FGF12: variants seen among roughly 807,000 people sequenced by gnomAD.
The protein encoded by FGF12 is fibroblast growth factor 12B.
FGF12 carries 14 observed loss-of-function variants against 23.6 expected under a neutral mutation model. The observed-to-expected ratio is 0.59, with a 90% CI of 0.39 to 0.93. The LOEUF (loss-of-function observed/expected upper bound fraction) is 0.93. FGF12 is among the 40% of genes least tolerant of loss of function. FGF12 has a pLI of 0.00. For missense variants in FGF12, 175 were observed against 217.8 expected, an observed-to-expected ratio of 0.80 and a Z score of 1.24; for synonymous variants, 62 against 77.3, an observed-to-expected ratio of 0.80 and a Z score of 1.04.
At chr3:192,416,592 A>G (rs1721360533) in intron 2 of FGF12, among the ~76,000 whole-genome samples, 1 of 152,186 alleles carries the variant, frequency 6.6e-6, no homozygotes, top group African/African-American at 2.4e-5. Flanking sequence ...TCCCTAAATT[A>G]GCATTGTTAG....
intron 2 of FGF12, among the ~76,000 whole-genome samples, chr3:192,562,420 T>G (rs973066419): frequency 3.9e-5 from 6 of 152,184 alleles, no homozygotes; most frequent in African/African-American, 1.4e-4. Flanking sequence ...AAAGAATGCA[T>G]GTATTTTTAC....
intron 2 of FGF12, among the ~76,000 whole-genome samples, chr3:192,372,878 T>G (rs2108745103): frequency 6.6e-6 from 1 of 152,344 alleles, no homozygotes; most frequent in Middle Eastern, 3.4e-3. Context: ...CATCATCATC[T>G]TAATTGACTC....
chr3:192,452,700 G>C (rs1722563914), intron 2 of FGF12, among the ~76,000 whole-genome samples: 1 of 152,182 alleles, frequency 6.6e-6, no homozygotes, highest in East Asian at 1.9e-4. Flanking sequence ...AGCCTATGTG[G>C]CTCCACTCAG....
At chr3:192,295,213 A>G (rs1349555368) in intron 4 of FGF12, among the ~76,000 whole-genome samples, 1 of 152,180 alleles carries the variant, frequency 6.6e-6, no homozygotes, top group African/African-American at 2.4e-5. Context: ...AATACATTGT[A>G]CTTTTTGGTG....
At chr3:192,145,580 A>AGTTTTATCATCTG (rs1165759804) in intron 5 of FGF12, among the ~76,000 whole-genome samples, 1 of 152,094 alleles carries the variant, frequency 6.6e-6, no homozygotes, top group Non-Finnish European at 1.5e-5. Flanking sequence ...TAAAACCCAG[A>AGTTTTATCATCTG]CTACACTCTG....
intron 2 of FGF12, among the ~76,000 whole-genome samples, chr3:192,658,993 C>T (rs961393039): frequency 1.3e-5 from 2 of 152,140 alleles, no homozygotes; most frequent in African/African-American, 2.4e-5. Context: ...CCGGCCAGGA[C>T]GCCAAGCTGC....
intron 2 of FGF12, among the ~76,000 whole-genome samples, chr3:192,512,992 A>C (rs911621174): frequency 1.3e-5 from 2 of 151,366 alleles, no homozygotes; most frequent in Non-Finnish European, 3.0e-5. Flanking sequence ...GTCCAATCAC[A>C]TAAGTTAACC....
chr3:192,320,059 T>A (rs1716452876), intron 4 of FGF12, among the ~76,000 whole-genome samples: 1 of 152,172 alleles, frequency 6.6e-6, no homozygotes, highest in African/African-American at 2.4e-5. Context: ...GTAGAGTGCC[T>A]GCATAGATTT....
intron 2 of FGF12, among the ~76,000 whole-genome samples, chr3:192,400,863 T>C (rs1277904002): frequency 1.3e-5 from 2 of 152,208 alleles, no homozygotes; most frequent in Non-Finnish European, 2.9e-5. Flanking sequence ...TCATTCTACC[T>C]TTACCCACTC....
intron 2 of FGF12, among the ~76,000 whole-genome samples, chr3:192,595,202 A>G (rs1184591598): frequency 6.6e-6 from 1 of 152,196 alleles, no homozygotes; most frequent in Non-Finnish European, 1.5e-5. Context: ...CTAAATTCTT[A>G]TTATGAGTTA....
At chr3:192,308,221 T>C (rs1715752556) in intron 4 of FGF12, among the ~76,000 whole-genome samples, 2 of 151,984 alleles carry the variant, frequency 1.3e-5, no homozygotes, top group Admixed American at 1.3e-4. Context: ...AACAAGTAAA[T>C]GTGGAAATAA....
chr3:192,221,872 C>G (rs919297540), intron 4 of FGF12, among the ~76,000 whole-genome samples: 1 of 151,888 alleles, frequency 6.6e-6, no homozygotes, highest in African/African-American at 2.4e-5. Flanking sequence ...TAAATACCAC[C>G]AAGGTTATAT....
At chr3:192,240,715 G>A (rs1481081099) in intron 4 of FGF12, among the ~76,000 whole-genome samples, 1 of 151,884 alleles carries the variant, frequency 6.6e-6, no homozygotes, top group East Asian at 1.9e-4. Flanking sequence ...AAATATCTTG[G>A]TCTGATATTT....
At position 192,657,013 on chromosome 3, in the gene FGF12, G is replaced by C. The variant is rs144384751; in HGVS notation, c.13+70168C>G. Among the ~76,000 whole-genome samples the C allele has an allele frequency of 8.2e-3, 1,250 of 152,166 alleles. 21 individuals carry two copies. Among genetic ancestry groups the C allele is most frequent in the African/African-American group, 0.029 (1,218 of 41,504 alleles). ...AAGGTCACAGCACTTATAAACAACA[G>C]AGGTCCCCAGTACATATCAACAATG... On this transcript the variant is annotated intron_variant, in intron 2 of 5. Coordinates refer to ENST00000445105, the MANE Select transcript of FGF12 (RefSeq NM_004113.6).
rs1383830337 is a variant in FGF12, at chr3:192,345,619, G to A, written c.125-10155C>T. Reference sequence around the variant, plus strand: ...GGGGAATGGCGTGAACCCGGGAGGCGGAGCTTGCAGTGAGCCGAGATCGCG... The same window carrying A: ...GGGGAATGGCGTGAACCCGGGAGGCAGAGCTTGCAGTGAGCCGAGATCGCG... On this transcript the variant is annotated intron_variant, in intron 3 of 5. Coordinates refer to ENST00000445105, the MANE Select transcript of FGF12 (RefSeq NM_004113.6). Among the ~76,000 whole-genome samples the A allele has an allele frequency of 4.5e-5, 2 of 44,444 alleles. 1 individual carries two copies. Among genetic ancestry groups the A allele is most frequent in the Non-Finnish European group, 6.7e-5 (2 of 29,902 alleles). The allele number at this position is 44,444 out of a possible 152,430, so 29.2% of individuals were successfully genotyped here.
At chr3:192,572,026 A>G (rs954055368) in intron 2 of FGF12, among the ~76,000 whole-genome samples, 1 of 151,606 alleles carries the variant, frequency 6.6e-6, no homozygotes, top group Admixed American at 6.6e-5. Context: ...AGTGCCTAGT[A>G]TACAATGGAC....
chr3:192,158,376 TTCTTTCTTTTCTTTC>T (rs1476906129), intron 5 of FGF12, among the ~76,000 whole-genome samples: 3 of 120,606 alleles, frequency 2.5e-5, no homozygotes, highest in Non-Finnish European at 5.3e-5. Context: ...CTTTCTTTCT[TTCTTTCTTTTCTTTC>T]TCTCTCTTTC....
At chr3:192,317,693 C>T (rs1010040883) in intron 4 of FGF12, among the ~76,000 whole-genome samples, 1 of 152,164 alleles carries the variant, frequency 6.6e-6, no homozygotes, top group East Asian at 1.9e-4. Context: ...TGGCTGGTTT[C>T]ACCACCTGCT....
chr3:192,282,202 T>G lies in FGF12; in HGVS notation c.228+53159A>C, dbSNP rs534634564. 2.0e-5 allele frequency among the ~76,000 whole-genome samples: 3 copies of G among 152,332 alleles called. No homozygotes were observed. The South Asian group carries it at 6.2e-4, about 32-fold the overall frequency. On this transcript the variant is annotated intron_variant, in intron 4 of 5. Transcript: ENST00000445105. ...CTTAGAATGCAAGCTCCATTTGTTC[T>G]CAGATTTCTTGCCAATATCTAGGTG... is the stretch of plus-strand genomic sequence containing the variant.
Sources: allele counts gnomAD v4.1 joint callset (sites outside exome capture counted in the v4.1 genomes callset), GRCh38; gene constraint gnomAD v4.1.1; transcripts MANE v1.5; gene names NCBI Gene and HGNC (gene_info 2026-07-23, HGNC 2026-07-21).